Variants in SLC25A12 observed in about 807,000 individuals in gnomAD.
SLC25A12 encodes the protein solute carrier family 25 member 12, also known as electrogenic aspartate/glutamate antiporter SLC25A12, mitochondrial.
Under a neutral mutation model 83.3 loss-of-function variants are expected in SLC25A12, and 32 were observed. The observed-to-expected ratio is 0.38, with a 90% CI of 0.29 to 0.52. SLC25A12 has a LOEUF of 0.52. SLC25A12 is among the 20% of genes least tolerant of loss of function. SLC25A12 has a pLI of 0.84. For missense variants in SLC25A12, 611 were observed against 835.6 expected (o/e 0.73, Z 3.31); for synonymous variants, 267 against 291.1 (o/e 0.92, Z 0.84).
At chr2:171,808,170 T>C (rs1382902275) in intron 13 of SLC25A12, among the ~76,000 whole-genome samples, 1 of 152,242 alleles carries the variant, frequency 6.6e-6, no homozygotes, top group Non-Finnish European at 1.5e-5. Flanking sequence ...CAAATGAAAT[T>C]AGTTGAGCTG....
intron 2 of SLC25A12, among the ~76,000 whole-genome samples, chr2:171,875,706 G>A (rs945623576): frequency 2.6e-5 from 4 of 151,860 alleles, no homozygotes; most frequent in East Asian, 3.9e-4. Flanking sequence ...GAGGTCAGGA[G>A]ATCGAGACCA....
At chr2:171,850,208 C>T (rs1684894204) in intron 4 of SLC25A12, among the ~76,000 whole-genome samples, 1 of 151,510 alleles carries the variant, frequency 6.6e-6, no homozygotes. Flanking sequence ...CTCTGCCTCC[C>T]AGATTCAAGC....
intron 13 of SLC25A12, among the ~76,000 whole-genome samples, chr2:171,806,369 C>A (rs560444880): frequency 6.6e-6 from 1 of 152,106 alleles, no homozygotes; most frequent in African/African-American, 2.4e-5. Context: ...GCAGGAGAAT[C>A]GCATTAACCT....
chr2:171,821,331 C>T (rs1455127385), intron 9 of SLC25A12, among the ~76,000 whole-genome samples: 1 of 152,094 alleles, frequency 6.6e-6, no homozygotes, highest in African/African-American at 2.4e-5. Context: ...CTTTCTTGTA[C>T]ATATCTCTTA....
intron 13 of SLC25A12, among the ~76,000 whole-genome samples, chr2:171,794,101 G>A (rs917309048): frequency 3.3e-5 from 5 of 152,226 alleles, no homozygotes; most frequent in African/African-American, 1.2e-4. Context: ...GGAGCCAGAT[G>A]TGGCAGCAAG....
chr2:171,800,792 AACCT>A (rs1683695848), intron 13 of SLC25A12, among the ~76,000 whole-genome samples: 1 of 152,214 alleles, frequency 6.6e-6, no homozygotes, highest in Admixed American at 6.5e-5. Flanking sequence ...AACAAACACA[AACCT>A]GATACCCACA....
intron 4 of SLC25A12, chr2:171,848,129 C>T (rs1451140281): frequency 4.3e-6 from 2 of 468,722 alleles, no homozygotes; most frequent in East Asian, 7.0e-5. Context: ...TTCTTATGGG[C>T]ACTTCCTACT....
At chr2:171,813,530 G>A in intron 10 of SLC25A12, 33 bp from the exon 11 acceptor site, 1 of 1,610,534 alleles carries the variant, frequency 6.2e-7, no homozygotes, top group Non-Finnish European at 8.5e-7. Flanking sequence ...GCTTAAAAAA[G>A]AACACAATTA....
chr2:171,819,653 C>G (rs1190045822), intron 9 of SLC25A12, among the ~76,000 whole-genome samples: 1 of 150,698 alleles, frequency 6.6e-6, no homozygotes, highest in Non-Finnish European at 1.5e-5. Flanking sequence ...ATAAATAAAC[C>G]TAACTTTCTT....
At chr2:171,839,290 C>T (rs986163718) in intron 5 of SLC25A12, among the ~76,000 whole-genome samples, 2 of 152,126 alleles carry the variant, frequency 1.3e-5, no homozygotes, top group Non-Finnish European at 2.9e-5. Context: ...CCTCCAAATA[C>T]CCACACCTAA....
At chr2:171,851,519 T>A (rs1054819802) in intron 4 of SLC25A12, among the ~76,000 whole-genome samples, 2 of 148,510 alleles carry the variant, frequency 1.3e-5, no homozygotes, top group African/African-American at 5.0e-5. Context: ...AAGGATTAAA[T>A]CTTTAGTAAG....
At chr2:171,841,255 C>CT (rs1252273981) in intron 5 of SLC25A12, among the ~76,000 whole-genome samples, 1 of 150,502 alleles carries the variant, frequency 6.6e-6, no homozygotes, top group African/African-American at 2.5e-5. Flanking sequence ...AATTTTTGCA[C>CT]TTTTAGTAGA....
chr2:171,881,244 C>T (rs992252815), intron 2 of SLC25A12, among the ~76,000 whole-genome samples: 9 of 152,020 alleles, frequency 5.9e-5, no homozygotes, highest in African/African-American at 2.2e-4. Context: ...CCACCATCTC[C>T]CAGGTTCAAG....
At chr2:171,856,158 C>A (rs1238910777) in intron 3 of SLC25A12, among the ~76,000 whole-genome samples, 1 of 152,074 alleles carries the variant, frequency 6.6e-6, no homozygotes, top group Non-Finnish European at 1.5e-5. Context: ...TGAAACTGGG[C>A]AATAATCAAT....
intron 2 of SLC25A12, among the ~76,000 whole-genome samples, chr2:171,871,247 A>C (rs1045842143): frequency 1.3e-4 from 19 of 151,838 alleles, no homozygotes; most frequent in African/African-American, 3.6e-4. Flanking sequence ...CTACCACCAC[A>C]AGTGCTATAT....
At chr2:171,812,373 A>G (rs1415169411) in intron 11 of SLC25A12, among the ~76,000 whole-genome samples, 1 of 152,176 alleles carries the variant, frequency 6.6e-6, no homozygotes, top group African/African-American at 2.4e-5. Context: ...TTCTAAGCCA[A>G]ATAGTTCAAC....
chr2:171,848,210 C>T (rs913435288), intron 4 of SLC25A12: 1 of 471,104 alleles, frequency 2.1e-6, no homozygotes, highest in Non-Finnish European at 4.4e-6. Context: ...AAGACTGCCA[C>T]CATGCCTGTT....
intron 4 of SLC25A12, among the ~76,000 whole-genome samples, chr2:171,844,801 T>C (rs185252776): frequency 2.0e-3 from 304 of 152,336 alleles, no homozygotes; most frequent in African/African-American, 6.6e-3. Flanking sequence ...ACATCATAAA[T>C]GGCTGCTATT....
intron 4 of SLC25A12, 37 bp from the exon 5 acceptor site, chr2:171,844,545 G>C: frequency 7.1e-7 from 1 of 1,414,478 alleles, no homozygotes; most frequent in Non-Finnish European, 1.0e-6. Context: ...AATTATATCT[G>C]GAATAAGTAG....
Sources: gnomAD v4.1 joint callset for allele counts (sites outside exome capture counted in the v4.1 genomes callset) on GRCh38, gnomAD v4.1.1 for gene constraint, MANE v1.5 for transcripts, NCBI Gene and HGNC (gene_info 2026-07-23, HGNC 2026-07-21) for gene names.